ACADSB: variants seen among roughly 807,000 people sequenced by gnomAD.
ACADSB encodes short/branched chain specific acyl-CoA dehydrogenase, mitochondrial.
A neutral mutation model predicts 54.1 loss-of-function variants in ACADSB; 40 were observed. The observed-to-expected ratio is 0.74, with a 90% CI of 0.57 to 0.96. The LOEUF (loss-of-function observed/expected upper bound fraction) is 0.96. ACADSB is among the 40% of genes least tolerant of loss of function. The pLI is 0.00. For missense variants in ACADSB, 530 were observed against 510.4 expected, an observed-to-expected ratio of 1.04 and a Z score of -0.37; for synonymous variants, 182 against 182.8, an observed-to-expected ratio of 1.00 and a Z score of 0.03.
chr10:123,044,784 T>TA (rs889225470), intron 7 of ACADSB, among the ~76,000 whole-genome samples: 12 of 152,082 alleles, frequency 7.9e-5, no homozygotes, highest in African/African-American at 2.4e-5. Context: ...TATGGCACTT[T>TA]AAAAAAAATC....
At chr10:123,024,566 A>G (rs1850224820) in intron 1 of ACADSB, among the ~76,000 whole-genome samples, 1 of 152,242 alleles carries the variant, frequency 6.6e-6, no homozygotes, top group South Asian at 2.1e-4. Flanking sequence ...TGGGCTTACC[A>G]CCTGGCTGGC....
chr10:123,053,309 T>C, intron 10 of ACADSB, 149 bp downstream of exon 10: 1 of 668,098 alleles, frequency 1.5e-6, no homozygotes, highest in Non-Finnish European at 2.5e-6. Context: ...TGGCTGGATT[T>C]TTTTCTTACC....
At chr10:123,037,621 A>C (rs1850416833) in intron 2 of ACADSB, 126 bp from the exon 3 acceptor site, 1 of 615,198 alleles carries the variant, frequency 1.6e-6, no homozygotes, top group Non-Finnish European at 2.8e-6. Context: ...TATAAATTCT[A>C]TTTTAAAAAT....
intron 1 of ACADSB, among the ~76,000 whole-genome samples, chr10:123,023,628 T>C (rs2075337467): frequency 6.6e-6 from 1 of 152,144 alleles, no homozygotes; most frequent in Admixed American, 6.5e-5. Context: ...GTAAAGCAGT[T>C]TCCATGGCAG....
At chr10:123,048,615 AGG>A (rs760699985) in intron 8 of ACADSB, among the ~76,000 whole-genome samples, 3 of 152,216 alleles carry the variant, frequency 2.0e-5, no homozygotes, top group Non-Finnish European at 4.4e-5. Flanking sequence ...AATAGACAGA[AGG>A]GGTCAGGTAT....
chr10:123,038,962 G>A (rs958109890), intron 3 of ACADSB, among the ~76,000 whole-genome samples: 15 of 152,118 alleles, frequency 9.9e-5, no homozygotes, highest in African/African-American at 3.4e-4. Context: ...TCTCCCCCGC[G>A]GTGGTCGTTC....
intron 7 of ACADSB, among the ~76,000 whole-genome samples, chr10:123,045,678 C>T (rs754837987): frequency 4.6e-4 from 70 of 152,180 alleles, no homozygotes; most frequent in Non-Finnish European, 8.1e-4. Flanking sequence ...CAGTGTGTCA[C>T]TAAAGAATAT....
At chr10:123,044,609 G>C in intron 7 of ACADSB, 124 bp downstream of exon 7, 1 of 750,362 alleles carries the variant, frequency 1.3e-6, no homozygotes, top group Non-Finnish European at 2.3e-6. Flanking sequence ...CCTTACATGA[G>C]GGATAGAATG....
At position 123,012,561 on chromosome 10, in the gene ACADSB, G is replaced by A. The variant is rs184820966; in HGVS notation, c.42+3490G>A. ...TTCCTTCTGATGTTCGGATGTGTTC[G>A]GAGTTTCTTCCTTCTGGTGGGTTTG... On this transcript the variant is annotated intron_variant, in intron 1 of 10. Transcript: ENST00000358776. Among the ~76,000 whole-genome samples, 141 of 152,216 alleles carry A rather than the reference G, an allele frequency of 9.3e-4. No homozygotes were observed. In the East Asian group the frequency reaches 0.01, roughly 11 times the overall value.
intron 1 of ACADSB, among the ~76,000 whole-genome samples, chr10:123,022,057 A>G (rs1258778904): frequency 6.6e-6 from 1 of 152,206 alleles, no homozygotes; most frequent in Non-Finnish European, 1.5e-5. Context: ...AAAAATACAT[A>G]AAGGCCTTTT....
chr10:123,032,170 G>A (rs1850335904), intron 1 of ACADSB, among the ~76,000 whole-genome samples: 1 of 151,864 alleles, frequency 6.6e-6, no homozygotes, highest in Non-Finnish European at 1.5e-5. Flanking sequence ...TAGCAGAGAT[G>A]GGGTTTCACC....
chr10:123,052,903 G>C lies in ACADSB; in HGVS notation c.1129-158G>C. 1 of 685,016 alleles carries C rather than the reference G, an allele frequency of 1.5e-6. No homozygotes were observed. The highest frequency in any genetic ancestry group is 2.7e-6 in the Non-Finnish European group (1 of 373,710). The allele number at this position is 685,016 out of a possible 1,614,324, so 42.4% of individuals were successfully genotyped here. A position where few individuals can be genotyped will look rare whatever the true frequency, so the allele number is the denominator to read the frequency against. On this transcript the variant is annotated intron_variant, in intron 9 of 10. Transcript: ENST00000358776. This position sits in a 1 kb window ranked among gnomAD's most constrained non-coding sequence, Gnocchi z 4.2. ...TAGGATGTTTTACAGAAATGGTATG[G>C]AGAATGGGACTGAAGAGACAATGCT...
chr10:123,045,810 T>C (rs186987875), intron 7 of ACADSB, among the ~76,000 whole-genome samples: 109 of 152,332 alleles, frequency 7.2e-4, no homozygotes, highest in Non-Finnish European at 6.8e-4. Context: ...GGCAATAAAA[T>C]ACACAGCCTG....
At chr10:123,044,590 G>T in intron 7 of ACADSB, 105 bp downstream of exon 7, 4 of 885,676 alleles carry the variant, frequency 4.5e-6, no homozygotes, top group Non-Finnish European at 7.4e-6. Context: ...ACACAAGATG[G>T]CACCGTTCCC....
In ACADSB at chr10:123,013,464, G is replaced by A. The variant is rs111555760; in HGVS notation, c.42+4393G>A. On this transcript the variant is annotated intron_variant, in intron 1 of 10. Transcript: ENST00000358776. ...ACCCAGTGGATCTTGCACCAGTGCC[G>A]CAGGTGGAGCTGCCTGCCAGTCTCG... Among the ~76,000 whole-genome samples the A allele has an allele frequency of 7.3e-3, 1,112 of 152,372 alleles. 12 individuals carry two copies. Among genetic ancestry groups the A allele is most frequent in the African/African-American group, 0.025 (1,035 of 41,594 alleles).
At position 123,051,188 on chromosome 10, in the gene ACADSB, T is replaced by TAA. The variant is rs10571424; in HGVS notation, c.1128+25_1128+26dup. 14,630 of 1,008,760 alleles carry TAA rather than the reference T, an allele frequency of 0.015. 101 individuals carry two copies. The highest frequency in any genetic ancestry group is 0.047 in the African/African-American group (1,654 of 35,522). 62.5% of individuals were successfully genotyped at this position (1,008,760 alleles called of 1,614,324 possible). A position where few individuals can be genotyped will look rare whatever the true frequency, so the allele number is the denominator to read the frequency against. On this transcript the variant is annotated splice_region_variant and intron_variant, in intron 9 of 10. Coordinates refer to ENST00000358776, the MANE Select transcript of ACADSB (RefSeq NM_001609.4). ...ATGGCCAAATACTATGCATCAGAGG[T>TAA]AAAAAAAAAAAAAAAAAAAAAAAAG... is the stretch of plus-strand genomic sequence containing the variant.
intron 1 of ACADSB, among the ~76,000 whole-genome samples, chr10:123,030,374 A>T (rs546898999): frequency 6.6e-6 from 1 of 152,068 alleles, no homozygotes; most frequent in Admixed American, 6.5e-5. Flanking sequence ...AAAAATAGAA[A>T]AAATTAGCTA....
chr10:123,047,174 T>C, intron 7 of ACADSB, 35 bp from the exon 8 acceptor site: 1 of 1,501,228 alleles, frequency 6.7e-7, no homozygotes, highest in Non-Finnish European at 9.3e-7. Flanking sequence ...TATAACAAAA[T>C]AAGAAATTCT....
At chr10:123,024,539 A>G (rs1261020554) in intron 1 of ACADSB, among the ~76,000 whole-genome samples, 1 of 152,246 alleles carries the variant, frequency 6.6e-6, no homozygotes, top group Non-Finnish European at 1.5e-5. Flanking sequence ...AAAAGGTGAA[A>G]AATAAACCCC....
Sources: allele counts gnomAD v4.1 joint callset (sites outside exome capture counted in the v4.1 genomes callset), GRCh38; gene constraint gnomAD v4.1.1; non-coding constraint Gnocchi (gnomAD v3.1); transcripts MANE v1.5; gene names NCBI Gene and HGNC (gene_info 2026-07-23, HGNC 2026-07-21).